The following RYR3 variants were observed in gnomAD, a reference collection of about 807,000 sequenced individuals.
RYR3 encodes the protein ryanodine receptor 3.
Under a neutral mutation model 584.3 loss-of-function variants are expected in RYR3, and 207 were observed. That is an observed-to-expected ratio of 0.35 (90% CI 0.32 to 0.40). The LOEUF is 0.40. RYR3 is among the 10% of genes least tolerant of loss of function. The pLI, the probability that RYR3 is intolerant of heterozygous loss-of-function variation, is 1.00. For synonymous variants in RYR3, 2,416 were observed against 2,248.5 expected (o/e 1.07, Z -2.11); for missense variants, 5,616 against 6,089.2 (o/e 0.92, Z 2.59).
rs796687835 is a variant in RYR3, at chr15:33,722,859, C to T, written c.6764C>T (p.Ala2255Val). Residue 2255 changes from alanine to valine, a missense_variant, in exon 44 of 104, where the codon GCG becomes GTG. Physicochemically the swap from Ala to Val is moderately conservative, Grantham distance 64. Around this residue, in one of 9 missense-constraint regions of RYR3, gnomAD observed 1,280 missense variants for 1,426.2 expected, o/e 0.90. Transcript: ENST00000634891. The stretch of plus-strand genomic sequence containing the variant: ...GCCATTAAGATCTCTGAGAACCCAG[C>T]GCTCGACCTCCCCTCTCAAGGATAC... ...QGAIKISENP[A>V]LDLPSQGYKR... 3.1e-6 allele frequency: 5 copies of T among 1,596,408 alleles called. No homozygotes were observed. The highest frequency in any genetic ancestry group is 4.3e-6 in the Non-Finnish European group (5 of 1,172,906).
intron 15 of RYR3, among the ~76,000 whole-genome samples, chr15:33,585,204 C>T (rs985019334): frequency 4.6e-5 from 7 of 152,192 alleles, no homozygotes; most frequent in African/African-American, 1.7e-4. Context: ...GGATCATCCA[C>T]CTACACACGT....
At chr15:33,668,035 C>T (rs1321523524) in intron 36 of RYR3, among the ~76,000 whole-genome samples, 1 of 127,796 alleles carries the variant, frequency 7.8e-6, no homozygotes, top group Non-Finnish European at 1.6e-5. Flanking sequence ...TGCATTCCAG[C>T]CTGGGCAACA....
At chr15:33,342,163 C>T (rs1971899112) in intron 1 of RYR3, among the ~76,000 whole-genome samples, 1 of 152,218 alleles carries the variant, frequency 6.6e-6, no homozygotes, top group Admixed American at 6.5e-5. Context: ...ATTACTTCGG[C>T]ACTTAGGAAG....
chr15:33,778,155 G>A (rs1043714929), intron 64 of RYR3, among the ~76,000 whole-genome samples: 3 of 124,408 alleles, frequency 2.4e-5, no homozygotes, highest in African/African-American at 7.8e-5. Flanking sequence ...GGGCGACAGA[G>A]CAAGACTCTG....
rs374363426 is a variant in RYR3, at chr15:33,827,251, C to A, written c.11298C>A (p.Val3766=). 1.7e-5 allele frequency: 27 copies of A among 1,553,000 alleles called. No individual in the cohort carries two copies. In the East Asian group the frequency reaches 2.0e-4, roughly 11 times the overall value. The part of the protein sequence containing the change: ...TQMGNTTTVN[V]IISTVDYLLR... ...TGGGCAACACCACCACCGTGAATGT[C>A]ATCATCAGCACTGTGGACTACCTTC... The change falls in exon 85 of 104, where the codon GTC becomes GTA. Residue 3766 remains valine (V), a synonymous_variant. Transcript: ENST00000634891.
At chr15:33,428,376 A>G (rs1483198556) in intron 1 of RYR3, among the ~76,000 whole-genome samples, 1 of 152,218 alleles carries the variant, frequency 6.6e-6, no homozygotes, top group Non-Finnish European at 1.5e-5. Flanking sequence ...CAATTTATGA[A>G]AAGTCATTGT....
At chr15:33,805,631 C>T (rs1273400787) in intron 69 of RYR3, among the ~76,000 whole-genome samples, 1 of 151,926 alleles carries the variant, frequency 6.6e-6, no homozygotes, top group African/African-American at 2.4e-5. Context: ...GTGCCCGCCA[C>T]CACGCCCGGC....
At chr15:33,829,641 T>C (rs1326927411) in intron 85 of RYR3, among the ~76,000 whole-genome samples, 1 of 151,598 alleles carries the variant, frequency 6.6e-6, no homozygotes, top group Non-Finnish European at 1.5e-5. Context: ...TAGTCCCAGC[T>C]ACTCGGGAGG....
At chr15:33,569,625 T>C (rs1567559623) in intron 12 of RYR3, among the ~76,000 whole-genome samples, 1 of 152,232 alleles carries the variant, frequency 6.6e-6, no homozygotes, top group Non-Finnish European at 1.5e-5. Flanking sequence ...TACCATGTTT[T>C]GTTTATTCAA....
chr15:33,666,100 G>A (rs950047887), intron 36 of RYR3, among the ~76,000 whole-genome samples: 2 of 152,134 alleles, frequency 1.3e-5, no homozygotes, highest in African/African-American at 4.8e-5. Flanking sequence ...TGCTTCCTGG[G>A]TTCAAGTGAT....
chr15:33,375,184 G>A (rs922215411), intron 1 of RYR3, among the ~76,000 whole-genome samples: 10 of 152,168 alleles, frequency 6.6e-5, no homozygotes, highest in African/African-American at 2.2e-4. Context: ...AATGAGAGTA[G>A]TAATACTTAC....
At chr15:33,695,629 C>T (rs914335738) in intron 38 of RYR3, among the ~76,000 whole-genome samples, 2 of 152,084 alleles carry the variant, frequency 1.3e-5, no homozygotes, top group African/African-American at 4.8e-5. Context: ...GTTCTCTCAG[C>T]CCAGTGTGGA....
At chr15:33,380,284 C>T in intron 1 of RYR3, among the ~76,000 whole-genome samples, 1 of 152,286 alleles carries the variant, frequency 6.6e-6, no homozygotes, top group East Asian at 1.9e-4. Flanking sequence ...TAAAGGGGCT[C>T]CCAGTGCCTC....
intron 1 of RYR3, among the ~76,000 whole-genome samples, chr15:33,403,846 TG>T (rs2141402653): frequency 6.6e-6 from 1 of 152,318 alleles, no homozygotes; most frequent in African/African-American, 2.4e-5. Flanking sequence ...TCCTCTTAGT[TG>T]GGTTTGGCTG....
chr15:33,458,536 A>G (rs543529207), intron 1 of RYR3, among the ~76,000 whole-genome samples: 4 of 152,264 alleles, frequency 2.6e-5, no homozygotes, highest in South Asian at 4.1e-4. Flanking sequence ...TATATCTCCT[A>G]TTGGTTCTGT....
chr15:33,375,009 C>T (rs988809426), intron 1 of RYR3, among the ~76,000 whole-genome samples: 4 of 152,100 alleles, frequency 2.6e-5, no homozygotes, highest in South Asian at 2.1e-4. Flanking sequence ...TTCAAGCAAG[C>T]GATATTTTAT....
intron 3 of RYR3, among the ~76,000 whole-genome samples, chr15:33,512,147 A>G (rs1314088911): frequency 6.6e-6 from 1 of 152,156 alleles, no homozygotes; most frequent in African/African-American, 2.4e-5. Context: ...CATAGGTTCA[A>G]TCTGGTGAGA....
Position 33,554,541 on chromosome 15 carries a change from C to T in RYR3, c.972+4225C>T, listed in dbSNP as rs528859851. Among the ~76,000 whole-genome samples the T allele has an allele frequency of 2.6e-3, 393 of 152,246 alleles. 5 individuals are homozygous for T. In the South Asian group the frequency reaches 0.03, roughly 11 times the overall value. On this transcript the variant is annotated intron_variant, in intron 10 of 103. Coordinates refer to ENST00000634891, the MANE Select transcript of RYR3 (RefSeq NM_001036.6). ...TCGATCTCCTGACCTCGTGATCCGC[C>T]CGCCTCGGCCTCCCAAAGTGCTGGG...
chr15:33,701,965 T>A (rs1426523743), intron 42 of RYR3, among the ~76,000 whole-genome samples: 2 of 152,198 alleles, frequency 1.3e-5, no homozygotes, highest in Non-Finnish European at 2.9e-5. Context: ...ATTGAACTTA[T>A]GCTACCATTT....
Sources: allele counts gnomAD v4.1 joint callset (sites outside exome capture counted in the v4.1 genomes callset), GRCh38; gene constraint gnomAD v4.1.1; regional missense constraint gnomAD v4.1.1; transcripts MANE v1.5; gene names NCBI Gene and HGNC (gene_info 2026-07-23, HGNC 2026-07-21).